KCNQ1: variants seen among roughly 807,000 people sequenced by gnomAD.
KCNQ1 encodes the protein potassium voltage-gated channel subfamily KQT member 1.
KCNQ1 carries 49 observed loss-of-function variants against 72.4 expected under a neutral mutation model. The ratio of observed to expected loss-of-function variants is 0.68; its 90% CI spans 0.54 to 0.86. The LOEUF (loss-of-function observed/expected upper bound fraction) is 0.86. Ranked by LOEUF, KCNQ1 falls within the 40% of genes least tolerant of loss-of-function variation. The pLI is 0.00. For synonymous variants in KCNQ1, 450 were observed against 412.6 expected (o/e 1.09, Z -1.10); for missense variants, 790 against 945.1 (o/e 0.84, Z 2.15).
intron 13 of KCNQ1, among the ~76,000 whole-genome samples, chr11:2,776,500 C>G (rs2133990076): frequency 6.6e-6 from 1 of 152,318 alleles, no homozygotes; most frequent in Non-Finnish European, 1.5e-5. Flanking sequence ...CGGGTCTCCC[C>G]CAGACTGGCC....
chr11:2,754,853 C>G (rs531673826), intron 11 of KCNQ1, among the ~76,000 whole-genome samples: 1 of 152,138 alleles, frequency 6.6e-6, no homozygotes, highest in Non-Finnish European at 1.5e-5. Context: ...TTGGTCAATT[C>G]GATTTTACAA....
At chr11:2,558,167 A>T (rs143744394) in intron 2 of KCNQ1, among the ~76,000 whole-genome samples, 283 of 152,322 alleles carry the variant, frequency 1.9e-3, no homozygotes, top group African/African-American at 6.4e-3. Flanking sequence ...CAGCCCCTAC[A>T]TCACTCCAGC....
intron 10 of KCNQ1, among the ~76,000 whole-genome samples, chr11:2,605,644 A>G (rs1848868519): frequency 6.6e-6 from 1 of 152,304 alleles, no homozygotes; most frequent in South Asian, 2.1e-4. Context: ...CTTGATCTAC[A>G]TATCTATCTC....
intron 6 of KCNQ1, among the ~76,000 whole-genome samples, chr11:2,582,441 G>A (rs979935276): frequency 6.6e-6 from 1 of 152,220 alleles, no homozygotes; most frequent in Non-Finnish European, 1.5e-5. Context: ...CCATAGGGCT[G>A]GGAATCCAGT....
chr11:2,717,784 G>A (rs1843347483), intron 11 of KCNQ1, among the ~76,000 whole-genome samples: 2 of 152,328 alleles, frequency 1.3e-5, no homozygotes, highest in African/African-American at 4.8e-5. Context: ...AGACAGGAAA[G>A]CAGCTCACAG....
In KCNQ1 at chr11:2,496,495, C is replaced by CTTTTTTTTTTTTTTTTTTTTTTTT; in HGVS notation, c.387-31431_387-31408dup. On this transcript the variant is annotated intron_variant, in intron 1 of 15. Transcript: ENST00000155840. ...AAAATGGCTAGGATCACAACCCCTGCTTTTTTTTTTTTTTTTTTTTTTTTT... is the reference window on the plus strand; with the variant it reads ...AAAATGGCTAGGATCACAACCCCTGCTTTTTTTTTTTTTTTTTTTTTTTTTTTTTTTTTTTTTTTTTTTTTTTTT... Among the ~76,000 whole-genome samples, 62 of 29,844 alleles carry CTTTTTTTTTTTTTTTTTTTTTTTT rather than the reference C, an allele frequency of 2.1e-3. 20 individuals carry two copies. The highest frequency in any genetic ancestry group is 2.6e-3 in the South Asian group (1 of 378). 19.6% of individuals were successfully genotyped at this position (29,844 alleles called of 152,430 possible).
rs1277312427 is a variant in KCNQ1, at chr11:2,458,751, A to T, written c.386+13267A>T. Among the ~76,000 whole-genome samples, 1 of 152,082 alleles carries T rather than the reference A, an allele frequency of 6.6e-6. No homozygotes were observed. The highest frequency in any genetic ancestry group is 1.9e-4 in the East Asian group (1 of 5,196). ...TACTGGAAATACTCGGGCCAGAGGA[A>T]CGCGCTAAATGATACTACAGGAGGC... On this transcript the variant is annotated intron_variant, in intron 1 of 15. Coordinates refer to ENST00000155840, the MANE Select transcript of KCNQ1 (RefSeq NM_000218.3). The surrounding 1 kb of genome is among the most constrained non-coding windows in gnomAD (Gnocchi z 4.6).
chr11:2,617,107 C>A lies in KCNQ1; in HGVS notation c.1393+28253C>A. The A allele has an allele frequency of 2.5e-6, 1 of 398,166 alleles. No individual in the cohort carries two copies. The highest frequency in any genetic ancestry group is 1.3e-4 in the South Asian group (1 of 7,852). 24.7% of individuals were successfully genotyped at this position (398,166 alleles called of 1,614,324 possible). On this transcript the variant is annotated intron_variant, in intron 10 of 15. Transcript: ENST00000155840. This position sits in a 1 kb window ranked among gnomAD's most constrained non-coding sequence, Gnocchi z 4.6. ...TGAGTGAGAAAAGCTATGATCTACT[C>A]AATTGGCAAAAATTCCAAATGCAAT...
rs1011617385 is a variant in KCNQ1 at position 2,457,495 on chromosome 11, C to T, written c.386+12011C>T. On this transcript the variant is annotated intron_variant, in intron 1 of 15. Coordinates refer to ENST00000155840, the MANE Select transcript of KCNQ1 (RefSeq NM_000218.3). The surrounding 1 kb of genome is among the most constrained non-coding windows in gnomAD (Gnocchi z 5.0). Reference sequence around the variant, plus strand: ...CAGCAACATGGATGCAGCTGGAGGTCGTTATCCTAAGTGAATTAATGCAGA... The same window carrying T: ...CAGCAACATGGATGCAGCTGGAGGTTGTTATCCTAAGTGAATTAATGCAGA... 1.3e-5 allele frequency among the ~76,000 whole-genome samples: 2 copies of T among 152,102 alleles called. No homozygotes were observed. The highest frequency in any genetic ancestry group is 1.9e-4 in the East Asian group (1 of 5,196).
At position 2,450,446 on chromosome 11, in the gene KCNQ1, A is replaced by G. The variant is rs1589886987; in HGVS notation, c.386+4962A>G. 6.6e-6 allele frequency among the ~76,000 whole-genome samples: 1 copy of G among 152,118 alleles called. No homozygotes were observed. Among genetic ancestry groups the G allele is most frequent in the African/African-American group, 2.4e-5 (1 of 41,434 alleles). Reference sequence around the variant, plus strand: ...GCAATGAATATCACCATCCTGGGCCACTTTGACCCAGACCCCAAGGATTTG... The same window carrying G: ...GCAATGAATATCACCATCCTGGGCCGCTTTGACCCAGACCCCAAGGATTTG... On this transcript the variant is annotated intron_variant, in intron 1 of 15. Coordinates refer to ENST00000155840, the MANE Select transcript of KCNQ1 (RefSeq NM_000218.3). This position sits in a 1 kb window ranked among gnomAD's most constrained non-coding sequence, Gnocchi z 7.9.
At chr11:2,681,742 C>CA in intron 11 of KCNQ1, 1 of 398,248 alleles carries the variant, frequency 2.5e-6, no homozygotes. Context: ...GCACTGATCA[C>CA]ACACCAGGGC....
Position 2,645,451 on chromosome 11 carries a change from G to C in KCNQ1, c.1394-16510G>C. 1 of 398,692 alleles carries C rather than the reference G, an allele frequency of 2.5e-6. No homozygotes were observed. Among genetic ancestry groups the C allele is most frequent in the Non-Finnish European group, 4.4e-6 (1 of 226,130 alleles). The allele number at this position is 398,692 out of a possible 1,614,324, so 24.7% of individuals were successfully genotyped here. On this transcript the variant is annotated intron_variant, in intron 10 of 15. Coordinates refer to ENST00000155840, the MANE Select transcript of KCNQ1 (RefSeq NM_000218.3). This position sits in a 1 kb window ranked among gnomAD's most constrained non-coding sequence, Gnocchi z 5.8. The stretch of plus-strand genomic sequence containing the variant: ...AAGAATGTACTGACTGTGGTAGGCA[G>C]GCACAGGAAGATCCCTGTATACCCT...
Position 2,695,184 on chromosome 11 carries a change from A to C in KCNQ1, c.1514+33103A>C, listed in dbSNP as rs989218289. 2.5e-6 allele frequency: 1 copy of C among 398,658 alleles called. No individual in the cohort carries two copies. The allele number at this position is 398,658 out of a possible 1,614,324, so 24.7% of individuals were successfully genotyped here. A position where few individuals can be genotyped will look rare whatever the true frequency, so the allele number is the denominator to read the frequency against. On this transcript the variant is annotated intron_variant, in intron 11 of 15. Coordinates refer to ENST00000155840, the MANE Select transcript of KCNQ1 (RefSeq NM_000218.3). This position sits in a 1 kb window ranked among gnomAD's most constrained non-coding sequence, Gnocchi z 5.2. ...CTGCACAGAGTTGATCACAGCCCTC[A>C]GCCTATGAAACACTGTCACCCTGTA... is the stretch of plus-strand genomic sequence containing the variant.
Position 2,793,193 on chromosome 11 carries a change from A to T in KCNQ1, c.1794+15156A>T, listed in dbSNP as rs140912167. ...CAGGGCCCGCCTGGGTGCACCCGAC[A>T]AACACAAGGGCTCTTGTTCTAAGGC... is the stretch of plus-strand genomic sequence containing the variant. On this transcript the variant is annotated intron_variant, in intron 15 of 15. Coordinates refer to ENST00000155840, the MANE Select transcript of KCNQ1 (RefSeq NM_000218.3). 4.4e-3 allele frequency among the ~76,000 whole-genome samples: 665 copies of T among 152,352 alleles called. 7 individuals carry two copies. Among genetic ancestry groups the T allele is most frequent in the African/African-American group, 0.015 (629 of 41,580 alleles).
chr11:2,644,304 T>C (rs1055174364), intron 10 of KCNQ1: 6 of 398,472 alleles, frequency 1.5e-5, no homozygotes, highest in Middle Eastern at 6.3e-4. Flanking sequence ...GTCTGAGTCA[T>C]TTCAAAAGAC....
chr11:2,825,328 C>T (rs1436436123), intron 15 of KCNQ1, among the ~76,000 whole-genome samples: 1 of 152,202 alleles, frequency 6.6e-6, no homozygotes, highest in Non-Finnish European at 1.5e-5. Context: ...GCCCGCAGCC[C>T]AGACCTTCCG....
chr11:2,541,686 C>G lies in KCNQ1; in HGVS notation c.477+13668C>G, dbSNP rs1243330323. 6.7e-6 allele frequency among the ~76,000 whole-genome samples: 1 copy of G among 148,586 alleles called. No individual in the cohort carries two copies. The highest frequency in any genetic ancestry group is 2.5e-5 in the African/African-American group (1 of 39,496). ...CTGCTCAAGTTCTCTTGCTTCATCT[C>G]AGGCTCAGGTGTTTTGAGTTTTTTT... On this transcript the variant is annotated intron_variant, in intron 2 of 15. Transcript: ENST00000155840. The surrounding 1 kb of genome is among the most constrained non-coding windows in gnomAD (Gnocchi z 4.8).
At position 2,486,847 on chromosome 11, in the gene KCNQ1, C is replaced by T. The variant is rs1229699596; in HGVS notation, c.387-41081C>T. ...TCTGCCCCTATGACCCAAACAGCAC[C>T]CACCAGGCCCCACCTCCAACGCTGG... On this transcript the variant is annotated intron_variant, in intron 1 of 15. Transcript: ENST00000155840. The surrounding 1 kb of genome is among the most constrained non-coding windows in gnomAD (Gnocchi z 5.0). Among the ~76,000 whole-genome samples the T allele has an allele frequency of 1.3e-5, 2 of 152,136 alleles. No homozygotes were observed. The highest frequency in any genetic ancestry group is 2.9e-5 in the Non-Finnish European group (2 of 68,040).
chr11:2,629,806 C>T (rs1849323578), intron 10 of KCNQ1: 1 of 397,868 alleles, frequency 2.5e-6, no homozygotes, highest in African/African-American at 2.1e-5. Flanking sequence ...TAGATTATTA[C>T]TTCTAACAGG....
Sources: gnomAD v4.1 joint callset for allele counts (sites outside exome capture counted in the v4.1 genomes callset) on GRCh38, gnomAD v4.1.1 for gene constraint, Gnocchi (gnomAD v3.1) non-coding constraint, MANE v1.5 for transcripts, NCBI Gene and HGNC (gene_info 2026-07-23, HGNC 2026-07-21) for gene names.